Variants in B3GALT1 observed in about 807,000 individuals in gnomAD.
The protein encoded by B3GALT1 is beta-1,3-galactosyltransferase 1, also known as UDP-Gal:betaGlcNAc beta 1,3-galactosyltransferase, polypeptide 1.
A neutral mutation model predicts 23.2 loss-of-function variants in B3GALT1; 10 were observed. That is an observed-to-expected ratio of 0.43 (90% CI 0.27 to 0.73). B3GALT1 has a LOEUF of 0.73. Among genes scored for constraint, B3GALT1 ranks in the 30% least tolerant of loss-of-function variants. B3GALT1 has a pLI of 0.21. For missense variants in B3GALT1, 299 were observed against 405.4 expected, an observed-to-expected ratio of 0.74 and a Z score of 2.25; for synonymous variants, 156 against 141.5, an observed-to-expected ratio of 1.10 and a Z score of -0.73.
Position 167,818,705 on chromosome 2 carries a change from G to A in B3GALT1, c.-318G>A, listed in dbSNP as rs1689044839. ...AGCTTGCTCCTGGCACGGGCACCTTGAATCTCCTCCTCACACAGATGGAGA... is the reference window on the plus strand; with the variant it reads ...AGCTTGCTCCTGGCACGGGCACCTTAAATCTCCTCCTCACACAGATGGAGA... On this transcript the variant is annotated 5_prime_UTR_variant, in exon 4 of 5. Transcript: ENST00000392690. 6.6e-6 allele frequency among the ~76,000 whole-genome samples: 1 copy of A among 151,690 alleles called. No homozygotes were observed. Among genetic ancestry groups the A allele is most frequent in the Admixed American group, 6.6e-5 (1 of 15,260 alleles).
At chr2:167,490,542 T>C (rs1375605196) in intron 2 of B3GALT1, among the ~76,000 whole-genome samples, 1 of 152,224 alleles carries the variant, frequency 6.6e-6, no homozygotes, top group Non-Finnish European at 1.5e-5. Flanking sequence ...AGAAGCACCA[T>C]TAGCAGAGAT....
At chr2:167,458,126 C>T (rs1699199321) in intron 1 of B3GALT1, among the ~76,000 whole-genome samples, 1 of 152,128 alleles carries the variant, frequency 6.6e-6, no homozygotes, top group Admixed American at 6.6e-5. Context: ...CCCCATTTCC[C>T]CTTCTCCTCA....
intron 3 of B3GALT1, among the ~76,000 whole-genome samples, chr2:167,651,266 G>A (rs1303020487): frequency 1.4e-4 from 1 of 6,936 alleles, no homozygotes; most frequent in Admixed American, 3.7e-3. Flanking sequence ...GTGTGTGTGT[G>A]TGTGTGCGCG....
At chr2:167,523,426 CTT>C (rs35173184) in intron 2 of B3GALT1, among the ~76,000 whole-genome samples, 100 of 141,070 alleles carry the variant, frequency 7.1e-4, no homozygotes, top group East Asian at 1.5e-3. Flanking sequence ...TTGTGTATCC[CTT>C]TTTTTTTTTT....
intron 3 of B3GALT1, among the ~76,000 whole-genome samples, chr2:167,683,002 G>T (rs1019674253): frequency 9.9e-5 from 15 of 152,076 alleles, no homozygotes; most frequent in African/African-American, 3.6e-4. Context: ...TTTATTTCTG[G>T]TTACCCTTAG....
intron 3 of B3GALT1, among the ~76,000 whole-genome samples, chr2:167,779,141 A>G (rs1351119503): frequency 6.6e-6 from 1 of 152,210 alleles, no homozygotes; most frequent in Admixed American, 6.5e-5. Context: ...TCTTTCATTC[A>G]CTCACTTTTC....
In B3GALT1 at chr2:167,872,336, C is replaced by G. The variant is rs1012020603; in HGVS notation, c.*2316C>G. On this transcript the variant is annotated 3_prime_UTR_variant, in exon 5 of 5. Coordinates refer to ENST00000392690, the MANE Select transcript of B3GALT1 (RefSeq NM_020981.4). ...ATCTCTCATCCCCCACCCGAAAGGA[C>G]CTGATATGAGACAAGACTTCCCATC... 4 of 152,298 alleles carry G rather than the reference C, an allele frequency of 2.6e-5. No homozygotes were observed. Among genetic ancestry groups the G allele is most frequent in the African/African-American group, 9.6e-5 (4 of 41,524 alleles). The allele number at this position is 152,298 out of a possible 1,614,324, so 9.4% of individuals were successfully genotyped here.
chr2:167,438,274 G>A (rs951117746), intron 1 of B3GALT1, among the ~76,000 whole-genome samples: 4 of 152,168 alleles, frequency 2.6e-5, no homozygotes, highest in Non-Finnish European at 5.9e-5. Flanking sequence ...GTTTCAAAGA[G>A]ACCATTCAGA....
intron 3 of B3GALT1, among the ~76,000 whole-genome samples, chr2:167,649,804 GTTTT>G (rs1222861736): frequency 6.6e-6 from 1 of 151,922 alleles, no homozygotes; most frequent in African/African-American, 2.4e-5. Context: ...AGCTCCAATC[GTTTT>G]TTGTTTGTTT....
At chr2:167,489,524 C>G (rs1699674999) in intron 1 of B3GALT1, among the ~76,000 whole-genome samples, 1 of 152,128 alleles carries the variant, frequency 6.6e-6, no homozygotes, top group Non-Finnish European at 1.5e-5. Flanking sequence ...ACTGCCAAAG[C>G]CAGCTTATTT....
At chr2:167,747,707 G>A (rs373903736) in intron 3 of B3GALT1, among the ~76,000 whole-genome samples, 2 of 152,266 alleles carry the variant, frequency 1.3e-5, no homozygotes, top group Non-Finnish European at 2.9e-5. Context: ...AGTTTCCTGC[G>A]GAATTTCATC....
intron 1 of B3GALT1, among the ~76,000 whole-genome samples, chr2:167,309,287 T>A (rs1383147512): frequency 2.0e-5 from 3 of 152,052 alleles, no homozygotes; most frequent in Non-Finnish European, 4.4e-5. Context: ...AGTTACTTTT[T>A]ATACATTCAG....
At chr2:167,814,984 A>G (rs1269822797) in intron 3 of B3GALT1, 1 of 152,204 alleles carries the variant, frequency 6.6e-6, no homozygotes, top group African/African-American at 2.4e-5. Context: ...AGTTGGGAAG[A>G]AGTGCGCACC....
In B3GALT1 at chr2:167,587,823, A is replaced by G. The variant is rs144401017; in HGVS notation, c.-409-59086A>G. On this transcript the variant is annotated intron_variant, in intron 2 of 4. Transcript: ENST00000392690. ...GCAAATTCTTCAGTCTAGTAATTCA[A>G]TGTATTTATTTTATCTCTAAAAAAT... 5.1e-3 allele frequency among the ~76,000 whole-genome samples: 772 copies of G among 152,346 alleles called. 10 individuals carry two copies. The highest frequency in any genetic ancestry group is 0.017 in the African/African-American group (714 of 41,584).
chr2:167,433,680 C>A (rs144309008), intron 1 of B3GALT1, among the ~76,000 whole-genome samples: 1 of 152,206 alleles, frequency 6.6e-6, no homozygotes, highest in East Asian at 1.9e-4. Flanking sequence ...CAGATAATAG[C>A]ATTTAACTGA....
At chr2:167,324,717 A>C (rs367881257) in intron 1 of B3GALT1, among the ~76,000 whole-genome samples, 1 of 152,100 alleles carries the variant, frequency 6.6e-6, no homozygotes, top group Non-Finnish European at 1.5e-5. Context: ...TGTCGGGTAC[A>C]TTTCATAGCT....
intron 4 of B3GALT1, among the ~76,000 whole-genome samples, chr2:167,831,104 CTT>C (rs1284400773): frequency 2.0e-5 from 3 of 152,254 alleles, no homozygotes; most frequent in African/African-American, 7.2e-5. Flanking sequence ...TTCATCAACT[CTT>C]TGAAATGTCA....
chr2:167,415,294 C>T (rs1383826812), intron 1 of B3GALT1, among the ~76,000 whole-genome samples: 2 of 152,136 alleles, frequency 1.3e-5, no homozygotes, highest in Non-Finnish European at 2.9e-5. Context: ...ACCCAGCTCC[C>T]TCATTATATG....
At chr2:167,507,148 C>T (rs1189023160) in intron 2 of B3GALT1, among the ~76,000 whole-genome samples, 7 of 151,984 alleles carry the variant, frequency 4.6e-5, no homozygotes, top group Non-Finnish European at 1.0e-4. Flanking sequence ...GGTTCTGCCA[C>T]AAGAACAGAA....
Sources: allele counts gnomAD v4.1 joint callset (sites outside exome capture counted in the v4.1 genomes callset), GRCh38; gene constraint gnomAD v4.1.1; transcripts MANE v1.5; gene names NCBI Gene and HGNC (gene_info 2026-07-23, HGNC 2026-07-21).